RORB: variants seen among roughly 807,000 people sequenced by gnomAD.
RORB encodes nuclear receptor ROR-beta.
A neutral mutation model predicts 59.1 loss-of-function variants in RORB; 6 were observed. That is an observed-to-expected ratio of 0.10 (90% CI 0.06 to 0.20). RORB has a LOEUF of 0.20. RORB is among the 10% of genes least tolerant of loss of function. The pLI, the probability that RORB is intolerant of heterozygous loss-of-function variation, is 1.00. For synonymous variants in RORB, 215 were observed against 204.5 expected (o/e 1.05, Z -0.44); for missense variants, 320 against 560.5 (o/e 0.57, Z 4.33).
chr9:74,498,040 G>A (rs1825738422), intron 1 of RORB, 57 bp downstream of exon 1: 24 of 1,585,738 alleles, frequency 1.5e-5, no homozygotes, highest in East Asian at 4.5e-5. Flanking sequence ...CAGCCAGACG[G>A]GGAGATGGGG....
At position 74,630,195 on chromosome 9, in the gene RORB, G is replaced by A. The variant is rs553697500; in HGVS notation, c.8-87G>A. On this transcript the variant is annotated intron_variant, in intron 1 of 9. Coordinates refer to ENST00000376896, the MANE Select transcript of RORB (RefSeq NM_006914.4). ...CAGTATTTTCAAATACAAACATCAA[G>A]GCAGAGATAGATGGGGAGAGAGATA... 13 of 1,534,962 alleles carry A rather than the reference G, an allele frequency of 8.5e-6. No individual in the cohort carries two copies. The African/African-American group carries it at 1.8e-4, about 21-fold the overall frequency.
rs113064251 is a variant in RORB at position 74,545,872 on chromosome 9, G to A, written c.7+47889G>A. ...TAAGCCAATAATTGATGGACCTTTC[G>A]TAGAGCCTTTAAATCAGGGCAATGG... On this transcript the variant is annotated intron_variant, in intron 1 of 9. Coordinates refer to ENST00000376896, the MANE Select transcript of RORB (RefSeq NM_006914.4). Among the ~76,000 whole-genome samples, 464 of 151,994 alleles carry A rather than the reference G, an allele frequency of 3.1e-3. 1 individual carries two copies. Among genetic ancestry groups the A allele is most frequent in the African/African-American group, 0.011 (436 of 41,426 alleles).
intron 9 of RORB, among the ~76,000 whole-genome samples, chr9:74,678,679 A>T (rs1015889901): frequency 1.3e-5 from 2 of 152,156 alleles, no homozygotes; most frequent in Non-Finnish European, 2.9e-5. Context: ...GAAACTACAA[A>T]AGGTCATTTA....
intron 2 of RORB, 132 bp from the exon 3 acceptor site, chr9:74,634,499 G>A (rs1449632644): frequency 2.8e-6 from 2 of 710,164 alleles, no homozygotes; most frequent in East Asian, 3.0e-5. Flanking sequence ...CATACAAGAA[G>A]AGGTATCCAA....
At chr9:74,685,431 T>G (rs1319839063) in intron 9 of RORB, 32 bp from the exon 10 acceptor site, 2 of 1,566,088 alleles carry the variant, frequency 1.3e-6, no homozygotes, top group East Asian at 4.5e-5. Context: ...AGCTTCCCTC[T>G]CTATCTCCCT....
intron 7 of RORB, among the ~76,000 whole-genome samples, chr9:74,666,782 A>G (rs556030271): frequency 9.8e-5 from 15 of 152,324 alleles, no homozygotes; most frequent in African/African-American, 3.6e-4. Context: ...GTGGGAAGGC[A>G]CTAACAGAGT....
At position 74,497,869 on chromosome 9, in the gene RORB, T is replaced by C; in HGVS notation, c.-108T>C. ...GGGATGGTTTTCTCGGCAGAGCAGCTCTTCGCCGACCACCTTCTTCACTCG... is the reference window on the plus strand; with the variant it reads ...GGGATGGTTTTCTCGGCAGAGCAGCCCTTCGCCGACCACCTTCTTCACTCG... On this transcript the variant is annotated 5_prime_UTR_variant, in exon 1 of 10. Transcript: ENST00000376896. The C allele has an allele frequency of 1.4e-6, 2 of 1,385,764 alleles. No individual in the cohort carries two copies. The highest frequency in any genetic ancestry group is 2.0e-6 in the Non-Finnish European group (2 of 993,910). 85.8% of individuals were successfully genotyped at this position (1,385,764 alleles called of 1,614,324 possible). A position where few individuals can be genotyped will look rare whatever the true frequency, so the allele number is the denominator to read the frequency against.
At chr9:74,543,232 C>T (rs1323371) in intron 1 of RORB, among the ~76,000 whole-genome samples, 146,934 of 152,172 alleles carry the variant, frequency 0.97, 71,141 homozygotes, top group East Asian at 1. Flanking sequence ...CCACCACATA[C>T]GGCAACCCAC....
At chr9:74,550,341 A>G (rs1826587548) in intron 1 of RORB, among the ~76,000 whole-genome samples, 1 of 152,196 alleles carries the variant, frequency 6.6e-6, no homozygotes, top group African/African-American at 2.4e-5. Context: ...TCAGCCCTAA[A>G]TGACTGTAAT....
chr9:74,554,369 C>T (rs1356787409), intron 1 of RORB, among the ~76,000 whole-genome samples: 1 of 152,086 alleles, frequency 6.6e-6, no homozygotes, highest in Non-Finnish European at 1.5e-5. Context: ...TTGTCTGTGC[C>T]CTCCTATCCT....
intron 3 of RORB, among the ~76,000 whole-genome samples, chr9:74,636,400 G>A (rs1823703588): frequency 6.6e-6 from 1 of 152,124 alleles, no homozygotes; most frequent in Admixed American, 6.5e-5. Context: ...AGTCTGTGCT[G>A]GTGAACAGAA....
intron 1 of RORB, among the ~76,000 whole-genome samples, chr9:74,620,204 C>T (rs1265163493): frequency 5.3e-5 from 8 of 152,244 alleles, no homozygotes; most frequent in South Asian, 2.1e-4. Flanking sequence ...CTATTAATTA[C>T]GGCCTCAATT....
intron 1 of RORB, among the ~76,000 whole-genome samples, chr9:74,544,558 A>T (rs571619954): frequency 3.3e-5 from 5 of 152,120 alleles, no homozygotes; most frequent in African/African-American, 1.2e-4. Context: ...GAATGTCTTC[A>T]CCTGACTCCC....
In RORB at chr9:74,589,001, A is replaced by T. The variant is rs575171660; in HGVS notation, c.8-41281A>T. 2.0e-5 allele frequency among the ~76,000 whole-genome samples: 3 copies of T among 152,306 alleles called. No individual in the cohort carries two copies. The East Asian group carries it at 5.8e-4, about 29-fold the overall frequency. The stretch of plus-strand genomic sequence containing the variant: ...CTTCATGTTCATGCTTAGGAAAATA[A>T]TTATTGTAACCATAATTTTCCTTTA... On this transcript the variant is annotated intron_variant, in intron 1 of 9. Coordinates refer to ENST00000376896, the MANE Select transcript of RORB (RefSeq NM_006914.4).
rs73547339 is a variant in RORB at position 74,607,264 on chromosome 9, C to T, written c.8-23018C>T. Among the ~76,000 whole-genome samples the T allele has an allele frequency of 2.2e-3, 336 of 152,272 alleles. 1 individual carries two copies. Among genetic ancestry groups the T allele is most frequent in the African/African-American group, 7.6e-3 (314 of 41,552 alleles). On this transcript the variant is annotated intron_variant, in intron 1 of 9. Transcript: ENST00000376896. ...GGGAAGATTCTTATGTTATCAATTTCTTTGTCTATTTTTTTGAATGGTGTC... is the reference window on the plus strand; with the variant it reads ...GGGAAGATTCTTATGTTATCAATTTTTTTGTCTATTTTTTTGAATGGTGTC...
In RORB at chr9:74,690,927, T is replaced by A. The variant is rs534147928; in HGVS notation, c.*5309T>A. 6.6e-6 allele frequency: 1 copy of A among 152,352 alleles called. No homozygotes were observed. The highest frequency in any genetic ancestry group is 1.9e-4 in the East Asian group (1 of 5,182). The allele number at this position is 152,352 out of a possible 1,614,324, so 9.4% of individuals were successfully genotyped here. A position where few individuals can be genotyped will look rare whatever the true frequency, so the allele number is the denominator to read the frequency against. ...GGCAAATGCATGACTTTTATTCTTT[T>A]GGGTCTCAGTGTGTTTCTTGAACTG... is the stretch of plus-strand genomic sequence containing the variant. On this transcript the variant is annotated 3_prime_UTR_variant, in exon 10 of 10. Coordinates refer to ENST00000376896, the MANE Select transcript of RORB (RefSeq NM_006914.4).
At chr9:74,614,615 G>A (rs1033543069) in intron 1 of RORB, among the ~76,000 whole-genome samples, 1 of 151,880 alleles carries the variant, frequency 6.6e-6, no homozygotes, top group South Asian at 2.1e-4. Context: ...AATAAGAAAA[G>A]GTTTGTGATA....
At chr9:74,498,155 G>A in intron 1 of RORB, 172 bp downstream of exon 1, 2 of 751,810 alleles carry the variant, frequency 2.7e-6, no homozygotes, top group Non-Finnish European at 4.4e-6. Flanking sequence ...AGAAAGTTGC[G>A]GGAAGGTGTT....
At chr9:74,638,772 A>G (rs1823745171) in intron 3 of RORB, among the ~76,000 whole-genome samples, 1 of 152,194 alleles carries the variant, frequency 6.6e-6, no homozygotes, top group Non-Finnish European at 1.5e-5. Context: ...CACCACTGTT[A>G]TTGCAAGAAG....
Sources: allele counts gnomAD v4.1 joint callset (sites outside exome capture counted in the v4.1 genomes callset), GRCh38; gene constraint gnomAD v4.1.1; transcripts MANE v1.5; gene names NCBI Gene and HGNC (gene_info 2026-07-23, HGNC 2026-07-21).